Variants in MEIS2 observed in about 807,000 individuals in gnomAD.
MEIS2 encodes the protein Meis homeobox 2, also known as homeobox protein Meis2.
In MEIS2, 9 loss-of-function variants were observed where a neutral mutation model predicts 58.6. That is an observed-to-expected ratio of 0.15 (90% CI 0.09 to 0.27). The LOEUF is 0.27. Ranked by LOEUF, MEIS2 falls within the 10% of genes least tolerant of loss-of-function variation. MEIS2 has a pLI of 1.00. For missense variants in MEIS2, 427 were observed against 635.0 expected, an observed-to-expected ratio of 0.67 and a Z score of 3.52; for synonymous variants, 221 against 228.4, an observed-to-expected ratio of 0.97 and a Z score of 0.29.
intron 7 of MEIS2, among the ~76,000 whole-genome samples, chr15:37,049,354 C>T (rs2062811719): frequency 1.3e-5 from 2 of 152,160 alleles, no homozygotes; most frequent in South Asian, 2.1e-4. Context: ...GTCCTAAAAT[C>T]GGCTGTGTTG....
intron 9 of MEIS2, chr15:36,897,558 TACAA>T (rs1018188551): frequency 4.6e-5 from 7 of 152,234 alleles, no homozygotes; most frequent in African/African-American, 1.7e-4. Context: ...AATATTCATG[TACAA>T]ACAGAGTAAG....
intron 7 of MEIS2, among the ~76,000 whole-genome samples, chr15:37,037,669 T>C (rs982983643): frequency 6.6e-6 from 1 of 152,008 alleles, no homozygotes; most frequent in African/African-American, 2.4e-5. Flanking sequence ...TTAACAGTCA[T>C]AGTTATTTTT....
At chr15:37,096,942 C>T (rs1295771229) in intron 2 of MEIS2, among the ~76,000 whole-genome samples, 1 of 152,212 alleles carries the variant, frequency 6.6e-6, no homozygotes, top group Non-Finnish European at 1.5e-5. Context: ...TTCATAAATG[C>T]AAGAGAATGC....
intron 8 of MEIS2, among the ~76,000 whole-genome samples, chr15:36,957,483 T>C (rs2059022119): frequency 6.6e-6 from 1 of 152,204 alleles, no homozygotes; most frequent in African/African-American, 2.4e-5. Context: ...ATTTCCACGA[T>C]TCTGGCATGT....
At chr15:37,097,086 C>G (rs894642617) in intron 2 of MEIS2, among the ~76,000 whole-genome samples, 1 of 152,200 alleles carries the variant, frequency 6.6e-6, no homozygotes, top group Admixed American at 6.5e-5. Flanking sequence ...TTTCTCCCAG[C>G]GTTGCAGCAG....
intron 8 of MEIS2, among the ~76,000 whole-genome samples, chr15:36,996,871 C>T (rs2060539702): frequency 1.3e-5 from 2 of 152,214 alleles, no homozygotes; most frequent in Admixed American, 1.3e-4. Flanking sequence ...ATGGGAGTAA[C>T]TCTCCATATT....
At chr15:37,024,288 T>G (rs1177840893) in intron 8 of MEIS2, among the ~76,000 whole-genome samples, 1 of 152,184 alleles carries the variant, frequency 6.6e-6, no homozygotes, top group East Asian at 1.9e-4. Context: ...TGGTCTGATG[T>G]CTTTATCTCT....
chr15:37,054,092 C>A (rs1472410455), intron 7 of MEIS2, among the ~76,000 whole-genome samples: 6 of 152,200 alleles, frequency 3.9e-5, no homozygotes, highest in Non-Finnish European at 8.8e-5. Context: ...GCTGAACCAG[C>A]TGAAATCACT....
At chr15:37,014,779 A>C (rs967570514) in intron 8 of MEIS2, among the ~76,000 whole-genome samples, 5 of 151,962 alleles carry the variant, frequency 3.3e-5, no homozygotes, top group African/African-American at 7.3e-5. Context: ...GCCAAACAGG[A>C]AAGGGCCTTA....
chr15:37,094,465 C>A, intron 5 of MEIS2, 62 bp downstream of exon 5: 2 of 1,538,612 alleles, frequency 1.3e-6, no homozygotes, highest in Non-Finnish European at 1.8e-6. Flanking sequence ...TTAAAAACAT[C>A]CCAACTCAAC....
At chr15:36,916,108 C>A (rs748291799) in intron 9 of MEIS2, among the ~76,000 whole-genome samples, 1 of 151,786 alleles carries the variant, frequency 6.6e-6, no homozygotes, top group Non-Finnish European at 1.5e-5. Context: ...TCCTTTTCTT[C>A]TTCTTCTTTT....
chr15:37,091,550 T>C (rs1893522197), intron 6 of MEIS2, among the ~76,000 whole-genome samples: 1 of 152,154 alleles, frequency 6.6e-6, no homozygotes, highest in South Asian at 2.1e-4. Context: ...GAGCAACAAA[T>C]GTTACAGTTG....
At chr15:37,053,026 G>A (rs1267550200) in intron 7 of MEIS2, among the ~76,000 whole-genome samples, 1 of 152,182 alleles carries the variant, frequency 6.6e-6, no homozygotes, top group Admixed American at 6.5e-5. Flanking sequence ...TTCAGATCCT[G>A]TTAGCTAATA....
intron 8 of MEIS2, among the ~76,000 whole-genome samples, chr15:37,003,651 A>G (rs577500406): frequency 2.0e-5 from 3 of 152,152 alleles, no homozygotes; most frequent in African/African-American, 4.8e-5. Context: ...TTCCTAAAAT[A>G]TTGTTCCCCA....
At chr15:37,038,573 C>G (rs1300820639) in intron 7 of MEIS2, among the ~76,000 whole-genome samples, 1 of 152,222 alleles carries the variant, frequency 6.6e-6, no homozygotes, top group Non-Finnish European at 1.5e-5. Context: ...TTACAACCAC[C>G]CTGCCCCAAG....
intron 8 of MEIS2, among the ~76,000 whole-genome samples, chr15:36,951,165 C>T (rs1327167934): frequency 2.0e-5 from 3 of 152,034 alleles, no homozygotes; most frequent in Non-Finnish European, 2.9e-5. Context: ...CGAAATTCAC[C>T]AACATTTATA....
At chr15:36,942,554 T>C (rs2058412955) in intron 9 of MEIS2, among the ~76,000 whole-genome samples, 1 of 152,108 alleles carries the variant, frequency 6.6e-6, no homozygotes, top group Non-Finnish European at 1.5e-5. Context: ...ACGAGGTTAA[T>C]AGGACCTACA....
chr15:37,003,486 G>A (rs1386567355), intron 8 of MEIS2, among the ~76,000 whole-genome samples: 3 of 152,014 alleles, frequency 2.0e-5, no homozygotes, highest in Non-Finnish European at 4.4e-5. Context: ...TAAAAGGCAA[G>A]AGTTCTGTCA....
intron 9 of MEIS2, among the ~76,000 whole-genome samples, chr15:36,912,681 G>A (rs990038073): frequency 3.3e-5 from 5 of 152,052 alleles, no homozygotes; most frequent in Non-Finnish European, 7.4e-5. Flanking sequence ...TTGCCACCTT[G>A]GTGAGAGATT....
Sources: allele counts gnomAD v4.1 joint callset (sites outside exome capture counted in the v4.1 genomes callset), GRCh38; gene constraint gnomAD v4.1.1; transcripts MANE v1.5; gene names NCBI Gene and HGNC (gene_info 2026-07-23, HGNC 2026-07-21).